Variants in UBQLN1 observed in about 807,000 individuals in gnomAD.
UBQLN1 encodes ubiquilin 1.
In UBQLN1, 13 loss-of-function variants were observed where a neutral mutation model predicts 65.4. The ratio of observed to expected loss-of-function variants is 0.20; its 90% CI spans 0.13 to 0.32. The LOEUF (loss-of-function observed/expected upper bound fraction) is 0.32. Among genes scored for constraint, UBQLN1 ranks in the 10% least tolerant of loss-of-function variants. UBQLN1 has a pLI of 1.00. For missense variants in UBQLN1, 561 were observed against 724.0 expected (o/e 0.77, Z 2.58); for synonymous variants, 267 against 247.8 (o/e 1.08, Z -0.73).
chr9:83,697,551 CAAAAAAA>C (rs750268209), intron 1 of UBQLN1, among the ~76,000 whole-genome samples: 7 of 34,476 alleles, frequency 2.0e-4, no homozygotes, highest in Admixed American at 1.3e-3. Context: ...GACACTGTCT[CAAAAAAA>C]AAAAAAAAAA....
chr9:83,676,474 T>C (rs572258623), intron 6 of UBQLN1, among the ~76,000 whole-genome samples: 2 of 152,300 alleles, frequency 1.3e-5, no homozygotes, highest in African/African-American at 4.8e-5. Flanking sequence ...AGTAAGAACA[T>C]TGCAACCCTC....
At chr9:83,682,284 CAA>C (rs1286840661) in intron 3 of UBQLN1, among the ~76,000 whole-genome samples, 1 of 142,732 alleles carries the variant, frequency 7.0e-6, no homozygotes, top group Non-Finnish European at 1.5e-5. Context: ...GACTCTGTCT[CAA>C]AAAATATATA....
intron 7 of UBQLN1, chr9:83,667,205 G>A (rs1053683556): frequency 1.3e-5 from 2 of 152,210 alleles, no homozygotes; most frequent in Non-Finnish European, 2.9e-5. Context: ...TTAGTATGAT[G>A]TCATATACCT....
Position 83,686,063 on chromosome 9 carries a change from C to G in UBQLN1, c.273G>C (p.Leu91Phe). 6.2e-7 allele frequency: 1 copy of G among 1,607,010 alleles called. No homozygotes were observed. Among genetic ancestry groups the G allele is most frequent in the African/African-American group, 1.3e-5 (1 of 74,460 alleles). Residue 91 changes from leucine to phenylalanine, a missense_variant, in exon 2 of 11, where the codon TTG becomes TTC. Transcript: ENST00000376395. The stretch of plus-strand genomic sequence containing the variant: ...GTCCATCATGAATTCCATGCTGACT[C>G]AAGGTATCTTGATCTTTCAAAATTT... ...AGKILKDQDT[L>F]SQHGIHDGLT...
At chr9:83,662,843 G>T (rs574702359) in intron 10 of UBQLN1, among the ~76,000 whole-genome samples, 2 of 152,354 alleles carry the variant, frequency 1.3e-5, no homozygotes, top group South Asian at 4.1e-4. Context: ...GGAGGCCAAG[G>T]CGGGTGAGAT....
intron 3 of UBQLN1, among the ~76,000 whole-genome samples, chr9:83,681,462 T>G (rs889220659): frequency 6.6e-6 from 1 of 152,186 alleles, no homozygotes; most frequent in African/African-American, 2.4e-5. Flanking sequence ...TAAAGAATAT[T>G]CACAGGATAT....
intron 6 of UBQLN1, among the ~76,000 whole-genome samples, chr9:83,671,690 G>T (rs994651058): frequency 1.2e-4 from 18 of 151,226 alleles, no homozygotes; most frequent in Admixed American, 2.0e-4. Flanking sequence ...TTTTTTTCCT[G>T]TTTACAGAGC....
chr9:83,697,551 C>CAAA (rs750268209), intron 1 of UBQLN1, among the ~76,000 whole-genome samples: 1,777 of 34,448 alleles, frequency 0.052, 351 homozygotes, highest in Middle Eastern at 0.065. Context: ...GACACTGTCT[C>CAAA]AAAAAAAAAA....
Position 83,686,078 on chromosome 9 carries a change from T to C in UBQLN1, c.258A>G (p.Lys86=). Residue 86 remains lysine (K), a synonymous_variant, in exon 2 of 11, where the codon AAA becomes AAG. Transcript: ENST00000376395. ...CATGCTGACTCAAGGTATCTTGATC[T>C]TTCAAAATTTTTCCAGCAAATATCA... ...LVLIFAGKIL[K]DQDTLSQHGI... is the part of the protein sequence containing the mutation. 3 of 1,601,780 alleles carry C rather than the reference T, an allele frequency of 1.9e-6. No homozygotes were observed. The highest frequency in any genetic ancestry group is 2.5e-6 in the Non-Finnish European group (3 of 1,176,790).
chr9:83,687,765 G>T (rs1177146854), intron 1 of UBQLN1, among the ~76,000 whole-genome samples: 1 of 151,946 alleles, frequency 6.6e-6, no homozygotes. Context: ...ATTTACAACA[G>T]CCAATATAAA....
At chr9:83,683,762 C>T (rs1443695538) in intron 2 of UBQLN1, among the ~76,000 whole-genome samples, 1 of 152,162 alleles carries the variant, frequency 6.6e-6, no homozygotes, top group African/African-American at 2.4e-5. Context: ...GTGGCTCACG[C>T]CTGTAATCCC....
intron 1 of UBQLN1, among the ~76,000 whole-genome samples, chr9:83,706,720 C>G (rs973148528): frequency 1.3e-5 from 2 of 152,186 alleles, no homozygotes; most frequent in Non-Finnish European, 2.9e-5. Context: ...TAATATTCTG[C>G]ATTCACTCCG....
intron 1 of UBQLN1, among the ~76,000 whole-genome samples, chr9:83,690,633 C>T (rs529060624): frequency 6.6e-6 from 1 of 152,174 alleles, no homozygotes; most frequent in South Asian, 2.1e-4. Context: ...CTTTGGGAGG[C>T]CAACATGGGA....
In UBQLN1 at chr9:83,682,922, T is replaced by A. The variant is rs1415628150; in HGVS notation, c.448+29A>T. On this transcript the variant is annotated intron_variant, in intron 3 of 10. Coordinates refer to ENST00000376395, the MANE Select transcript of UBQLN1 (RefSeq NM_013438.5). ...GAAGGGAAAGGAGTATTTTTTCCCA[T>A]CCCTACTGGAATGACTAAAGACACT... is the stretch of plus-strand genomic sequence containing the variant. 1.5e-6 allele frequency: 2 copies of A among 1,346,450 alleles called. 1 individual carries two copies. The allele number at this position is 1,346,450 out of a possible 1,614,324, so 83.4% of individuals were successfully genotyped here. A position where few individuals can be genotyped will look rare whatever the true frequency, so the allele number is the denominator to read the frequency against.
chr9:83,673,580 A>AAAAAAAAAAAAAAAAAAAAAAAAAAAAC (rs1554727531), intron 6 of UBQLN1, among the ~76,000 whole-genome samples: 1 of 109,562 alleles, frequency 9.1e-6, no homozygotes, highest in Admixed American at 9.0e-5. Context: ...AAAAAAAAAA[A>AAAAAAAAAAAAAAAAAAAAAAAAAAAAC]CTGCGCTTAC....
At chr9:83,690,211 C>T (rs1304904265) in intron 1 of UBQLN1, among the ~76,000 whole-genome samples, 1 of 152,214 alleles carries the variant, frequency 6.6e-6, no homozygotes, top group Non-Finnish European at 1.5e-5. Context: ...TGTCCCTCAA[C>T]TGTAAAATAA....
chr9:83,672,515 G>T (rs545407120), intron 6 of UBQLN1, among the ~76,000 whole-genome samples: 4 of 152,176 alleles, frequency 2.6e-5, no homozygotes, highest in Non-Finnish European at 4.4e-5. Context: ...GGAGACCCAA[G>T]AAGAGGAAGA....
chr9:83,698,034 C>A (rs1832249278), intron 1 of UBQLN1, among the ~76,000 whole-genome samples: 1 of 152,090 alleles, frequency 6.6e-6, no homozygotes, highest in Admixed American at 6.6e-5. Flanking sequence ...CCATGCCTGG[C>A]CAGCATCTTC....
intron 1 of UBQLN1, among the ~76,000 whole-genome samples, chr9:83,704,331 TTTTC>T (rs1318333129): frequency 6.6e-6 from 1 of 152,220 alleles, no homozygotes; most frequent in African/African-American, 2.4e-5. Flanking sequence ...TGAAAACTGC[TTTTC>T]TTTTTCTTCC....
Sources: allele counts gnomAD v4.1 joint callset (sites outside exome capture counted in the v4.1 genomes callset), GRCh38; gene constraint gnomAD v4.1.1; transcripts MANE v1.5; gene names NCBI Gene and HGNC (gene_info 2026-07-23, HGNC 2026-07-21).